DOCK11: variants seen among roughly 807,000 people sequenced by gnomAD.
DOCK11 encodes the protein dedicator of cytokinesis protein 11.
A neutral mutation model predicts 169.1 loss-of-function variants in DOCK11; 70 were observed. The observed-to-expected ratio is 0.41, with a 90% CI of 0.34 to 0.51. The LOEUF (loss-of-function observed/expected upper bound fraction) is 0.51. Ranked by LOEUF, DOCK11 falls within the 20% of genes least tolerant of loss-of-function variation. The pLI, the probability that DOCK11 is intolerant of heterozygous loss-of-function variation, is 0.10. For missense variants in DOCK11, 1,166 were observed against 1,538.8 expected (o/e 0.76, Z 4.05); for synonymous variants, 529 against 541.3 (o/e 0.98, Z 0.32).
chrX:118,657,261 A>G (rs1220046636), intron 44 of DOCK11, among the ~76,000 whole-genome samples: 1 of 111,554 alleles, frequency 9.0e-6, no homozygotes, highest in Non-Finnish European at 1.9e-5. Context: ...TAATACCCTC[A>G]AGGTTTCTTA....
chrX:118,659,139 T>C (rs1366989372), intron 44 of DOCK11, among the ~76,000 whole-genome samples: 1 of 111,590 alleles, frequency 9.0e-6, no homozygotes, highest in East Asian at 2.8e-4. Context: ...ATCCTTCTTC[T>C]GACTGGCCAT....
Position 118,686,103 on chromosome X carries a change from A to G in DOCK11, c.*296A>G, listed in dbSNP as rs921782688. On this transcript the variant is annotated 3_prime_UTR_variant, in exon 53 of 53. Coordinates refer to ENST00000276202, the MANE Select transcript of DOCK11 (RefSeq NM_144658.4). ...ATTGCTTAAAATAATGGTACTATGTAAAATTGTATAATGGAATACAATAAA... is the reference window on the plus strand; with the variant it reads ...ATTGCTTAAAATAATGGTACTATGTGAAATTGTATAATGGAATACAATAAA... 3.7e-4 allele frequency: 71 copies of G among 191,611 alleles called. No homozygotes were observed. Among genetic ancestry groups the G allele is most frequent in the Non-Finnish European group, 4.8e-5 (5 of 104,868 alleles). 15.8% of individuals were successfully genotyped at this position (191,611 alleles called of 1,213,427 possible).
intron 6 of DOCK11, among the ~76,000 whole-genome samples, chrX:118,555,993 G>A (rs1603059473): frequency 1.8e-5 from 2 of 110,141 alleles, no homozygotes; most frequent in African/African-American, 3.3e-5. Context: ...ATAGGTAAAC[G>A]CTCTTGGGAT....
rs907657189 is a variant in DOCK11, at chrX:118,686,021, G to C, written c.*214G>C. 1.1e-5 allele frequency: 4 copies of C among 354,106 alleles called. No individual in the cohort carries two copies. The highest frequency in any genetic ancestry group is 1.0e-4 in the African/African-American group (4 of 38,144). 29.2% of individuals were successfully genotyped at this position (354,106 alleles called of 1,213,427 possible). A position where few individuals can be genotyped will look rare whatever the true frequency, so the allele number is the denominator to read the frequency against. ...ACTGTGCTTGGTTTGTACTTTTTTA[G>C]GTAAATCTATATGCTGAAAAGTAGA... is the stretch of plus-strand genomic sequence containing the variant. On this transcript the variant is annotated 3_prime_UTR_variant, in exon 53 of 53. Coordinates refer to ENST00000276202, the MANE Select transcript of DOCK11 (RefSeq NM_144658.4).
At chrX:118,622,967 G>A (rs1352193558) in intron 31 of DOCK11, among the ~76,000 whole-genome samples, 1 of 112,408 alleles carries the variant, frequency 8.9e-6, no homozygotes, top group African/African-American at 3.2e-5. Flanking sequence ...TGTAATCCCA[G>A]CACTTTGAGA....
At chrX:118,515,359 G>A (rs941906372) in intron 1 of DOCK11, among the ~76,000 whole-genome samples, 2 of 111,568 alleles carry the variant, frequency 1.8e-5, no homozygotes, top group African/African-American at 3.3e-5. Flanking sequence ...TCAGCCTCCC[G>A]AGTAGCTGGG....
chrX:118,602,686 A>T (rs1164101519), intron 23 of DOCK11, among the ~76,000 whole-genome samples: 1 of 110,647 alleles, frequency 9.0e-6, no homozygotes, highest in Non-Finnish European at 1.9e-5. Flanking sequence ...GATTACAGGC[A>T]TGCACCAATA....
chrX:118,523,903 C>G (rs961535331), intron 1 of DOCK11, among the ~76,000 whole-genome samples: 1 of 111,206 alleles, frequency 9.0e-6, no homozygotes, highest in Non-Finnish European at 1.9e-5. Flanking sequence ...TGGAACTGAA[C>G]TTGGGTGTCA....
chrX:118,660,885 C>T (rs1028213703), intron 44 of DOCK11, among the ~76,000 whole-genome samples: 11 of 110,911 alleles, frequency 9.9e-5, no homozygotes, highest in African/African-American at 3.6e-4. Context: ...AACTCACTGA[C>T]TACTCCCATG....
intron 23 of DOCK11, among the ~76,000 whole-genome samples, chrX:118,604,292 A>G (rs1367973647): frequency 9.0e-6 from 1 of 111,571 alleles, no homozygotes. Flanking sequence ...AGTTGGATGT[A>G]TGGAGAGTAA....
chrX:118,511,155 A>G (rs2057648902), intron 1 of DOCK11, among the ~76,000 whole-genome samples: 1 of 112,350 alleles, frequency 8.9e-6, no homozygotes, highest in Non-Finnish European at 1.9e-5. Flanking sequence ...GGCCCAGCAT[A>G]TCTTTTTTCA....
rs1157804079 is a variant in DOCK11 at position 118,544,645 on chromosome X, C to CT, written c.393-646dup. 6.5e-3 allele frequency among the ~76,000 whole-genome samples: 151 copies of CT among 23,359 alleles called. 39 individuals are homozygous for CT. The highest frequency in any genetic ancestry group is 0.014 in the African/African-American group (77 of 5,544). 20.3% of individuals were successfully genotyped at this position (23,359 alleles called of 115,157 possible). On this transcript the variant is annotated intron_variant, in intron 4 of 52. Transcript: ENST00000276202. ...TGCAAGAGCCAGAATTACACTGTTG[C>CT]TTTTTTTTTTTTTTTTTTTTTTTTT...
At chrX:118,608,041 G>A in intron 24 of DOCK11, 31 bp from the exon 25 acceptor site, 1 of 1,132,044 alleles carries the variant, frequency 8.8e-7, no homozygotes, top group Non-Finnish European at 1.2e-6. Flanking sequence ...ATTATAGCAT[G>A]ACATGCTGAC....
intron 19 of DOCK11, among the ~76,000 whole-genome samples, chrX:118,591,946 T>A (rs1296928664): frequency 9.4e-6 from 1 of 106,197 alleles, no homozygotes; most frequent in Non-Finnish European, 1.9e-5. Flanking sequence ...TCCATGTCCC[T>A]GCAAAGGACA....
At chrX:118,560,094 C>T (rs2012854774) in intron 6 of DOCK11, among the ~76,000 whole-genome samples, 1 of 110,525 alleles carries the variant, frequency 9.0e-6, no homozygotes. Flanking sequence ...GTATTCCTTA[C>T]ACTGATATAT....
chrX:118,592,122 T>A (rs374717854), intron 19 of DOCK11, among the ~76,000 whole-genome samples: 2 of 109,440 alleles, frequency 1.8e-5, no homozygotes, highest in South Asian at 4.0e-4. Flanking sequence ...TAGCAGCATG[T>A]TTTATAGTCC....
chrX:118,577,732 G>C (rs1300732742), intron 12 of DOCK11, among the ~76,000 whole-genome samples: 1 of 111,643 alleles, frequency 9.0e-6, no homozygotes, highest in African/African-American at 3.3e-5. Flanking sequence ...TAATGTGTCT[G>C]AAATGCATTG....
At chrX:118,561,752 C>A (rs1179445556) in intron 7 of DOCK11, among the ~76,000 whole-genome samples, 2 of 110,939 alleles carry the variant, frequency 1.8e-5, no homozygotes, top group East Asian at 5.7e-4. Flanking sequence ...GTGGTCCCAG[C>A]TACTCTGGAG....
chrX:118,656,491 C>T (rs770961266), intron 44 of DOCK11, among the ~76,000 whole-genome samples: 1 of 110,203 alleles, frequency 9.1e-6, no homozygotes, highest in East Asian at 2.8e-4. Context: ...CAAAATAAGG[C>T]CCCATTTGAG....
Sources: gnomAD v4.1 joint callset for allele counts (sites outside exome capture counted in the v4.1 genomes callset) on GRCh38, gnomAD v4.1.1 for gene constraint, MANE v1.5 for transcripts, NCBI Gene and HGNC (gene_info 2026-07-23, HGNC 2026-07-21) for gene names.